The following TPR variants were observed in gnomAD, a reference collection of about 807,000 sequenced individuals.
The protein encoded by TPR is nucleoprotein TPR.
A neutral mutation model predicts 316.1 loss-of-function variants in TPR; 51 were observed. The ratio of observed to expected loss-of-function variants is 0.16; its 90% CI spans 0.13 to 0.20. TPR has a LOEUF of 0.20. Among genes scored for constraint, TPR ranks in the 10% least tolerant of loss-of-function variants. The probability of loss-of-function intolerance (pLI) is 1.00; values close to 1 mark genes in which losing one functional copy is unlikely to be tolerated. For missense variants in TPR, 2,272 were observed against 2,754.8 expected (o/e 0.82, Z 3.92); for synonymous variants, 981 against 914.7 (o/e 1.07, Z -1.31).
intron 39 of TPR, among the ~76,000 whole-genome samples, 163 bp from the exon 40 acceptor site, chr1:186,327,823 C>T (rs1050863531): frequency 6.6e-6 from 1 of 151,782 alleles, no homozygotes; most frequent in African/African-American, 2.4e-5. Context: ...CTCTTGTCAC[C>T]CTGGCTGGAG....
At chr1:186,356,171 A>G in intron 15 of TPR, 115 bp downstream of exon 15, 2 of 869,390 alleles carry the variant, frequency 2.3e-6, no homozygotes, top group Non-Finnish European at 3.4e-6. Flanking sequence ...GCAATTATAT[A>G]TGGTAGTCAA....
intron 33 of TPR, among the ~76,000 whole-genome samples, chr1:186,335,972 C>CA (rs1658328280): frequency 1.3e-5 from 2 of 152,068 alleles, no homozygotes; most frequent in Admixed American, 6.6e-5. Context: ...ATGCCTGTAA[C>CA]AAAATCCAAC....
rs767609133 is a variant in TPR at position 186,375,216 on chromosome 1, G to A, written c.-188C>T. ...GAAATCGAGTCCACCCTCAGCGGCA[G>A]CGTTTCAGCAACAGCACCTCACCGC... On this transcript the variant is annotated 5_prime_UTR_variant, in exon 1 of 51. Transcript: ENST00000367478. The A allele has an allele frequency of 6.0e-6, 9 of 1,490,594 alleles. No individual in the cohort carries two copies. In the African/African-American group the frequency reaches 1.3e-4, roughly 21 times the overall value. 92.3% of individuals were successfully genotyped at this position (1,490,594 alleles called of 1,614,324 possible). A position where few individuals can be genotyped will look rare whatever the true frequency, so the allele number is the denominator to read the frequency against.
At chr1:186,341,470 C>A in intron 27 of TPR, 81 bp from the exon 28 acceptor site, 1 of 1,387,214 alleles carries the variant, frequency 7.2e-7, no homozygotes, top group African/African-American at 1.5e-5. Context: ...CAAATCCTCC[C>A]TATGACAAAA....
intron 30 of TPR, 148 bp downstream of exon 30, chr1:186,339,494 C>T: frequency 2.1e-6 from 1 of 477,630 alleles, no homozygotes; most frequent in East Asian, 3.6e-5. Flanking sequence ...CACTGCTTGA[C>T]TCTACAAAGT....
At chr1:186,314,559 AT>A in intron 50 of TPR, 69 bp downstream of exon 50, 1 of 1,220,328 alleles carries the variant, frequency 8.2e-7, no homozygotes, top group Non-Finnish European at 1.2e-6. Context: ...AGGCTTAAGG[AT>A]TAGAAAACTT....
At chr1:186,369,564 T>C (rs1011982623) in intron 3 of TPR, among the ~76,000 whole-genome samples, 29 of 152,288 alleles carry the variant, frequency 1.9e-4, no homozygotes, top group African/African-American at 6.3e-4. Context: ...TGTATAGAAA[T>C]GCTACTAGAT....
rs1657252124 is a variant in TPR, at chr1:186,311,688, C to G, written c.*2283G>C. ...TATTGACTTTACTGTCAAAAGATAT[C>G]TTTAATGGCTGAAATCAAATATTTT... On this transcript the variant is annotated 3_prime_UTR_variant, in exon 51 of 51. Transcript: ENST00000367478. 1.9e-5 allele frequency: 24 copies of G among 1,291,196 alleles called. No homozygotes were observed. Among genetic ancestry groups the G allele is most frequent in the South Asian group, 2.5e-5 (2 of 80,424 alleles). 80.0% of individuals were successfully genotyped at this position (1,291,196 alleles called of 1,614,324 possible).
Position 186,358,650 on chromosome 1 carries a change from C to G in TPR, c.1390G>C (p.Glu464Gln). ...LSVKLEQAMK[E>Q]IQRLQEDTDK... ...GTGTCCTCCTGCAATCGCTGAATCT[C>G]CTTTAAAATGTAAATTCAAGTGAAA... The change falls in exon 13 of 51, where the codon GAG becomes CAG. Residue 464 changes from glutamate (E) to glutamine (Q), a missense_variant and splice_region_variant. Coordinates refer to ENST00000367478, the MANE Select transcript of TPR (RefSeq NM_003292.3). 6.2e-7 allele frequency: 1 copy of G among 1,610,122 alleles called. No homozygotes were observed. The highest frequency in any genetic ancestry group is 8.5e-7 in the Non-Finnish European group (1 of 1,178,498).
chr1:186,353,304 G>C (rs922125596), intron 18 of TPR, among the ~76,000 whole-genome samples: 2 of 151,830 alleles, frequency 1.3e-5, no homozygotes, highest in Non-Finnish European at 2.9e-5. Flanking sequence ...CCCGGGAGGC[G>C]GAGCTTGCAG....
chr1:186,341,062 T>C lies in TPR; in HGVS notation c.3986A>G (p.Glu1329Gly). 1 of 1,614,096 alleles carries C rather than the reference T, an allele frequency of 6.2e-7. No individual in the cohort carries two copies. Among genetic ancestry groups the C allele is most frequent in the Non-Finnish European group, 8.5e-7 (1 of 1,180,010 alleles). The change falls in exon 29 of 51, where the codon GAA becomes GGA. Residue 1329 changes from glutamate (E) to glycine (G), a missense_variant. Coordinates refer to ENST00000367478, the MANE Select transcript of TPR (RefSeq NM_003292.3). ...TGCTTTCCAACGTTTGACATCCTCT[T>C]CTAAGAGCTTCTTCTCTGCCTGCAA... ...GMLQAEKKLL[E>G]EDVKRWKARN...
chr1:186,349,663 A>ATC (rs1460183846), intron 21 of TPR, among the ~76,000 whole-genome samples: 11 of 144,928 alleles, frequency 7.6e-5, no homozygotes, highest in Admixed American at 2.1e-4. Flanking sequence ...CTCTCTCAAA[A>ATC]AAAAAAAAAA....
At chr1:186,330,586 A>G (rs1011286645) in intron 39 of TPR, among the ~76,000 whole-genome samples, 3 of 152,112 alleles carry the variant, frequency 2.0e-5, no homozygotes, top group Non-Finnish European at 4.4e-5. Flanking sequence ...AAATATGTAT[A>G]GCGTTTCCCC....
chr1:186,356,981 T>C (rs1198637195), intron 14 of TPR, among the ~76,000 whole-genome samples: 1 of 152,232 alleles, frequency 6.6e-6, no homozygotes, highest in Non-Finnish European at 1.5e-5. Context: ...TTTTGTTTGG[T>C]ATTGTTGCTC....
At chr1:186,360,216 G>A in intron 11 of TPR, 57 bp downstream of exon 11, 2 of 1,554,950 alleles carry the variant, frequency 1.3e-6, no homozygotes, top group Non-Finnish European at 1.8e-6. Context: ...ATTTTGAAGA[G>A]ATTTGTATAC....
intron 18 of TPR, among the ~76,000 whole-genome samples, chr1:186,352,607 T>C (rs543304895): frequency 6.6e-6 from 1 of 152,324 alleles, no homozygotes; most frequent in South Asian, 2.1e-4. Context: ...TACTCATATT[T>C]ACACACAAGT....
At chr1:186,368,056 T>C in intron 3 of TPR, 74 bp from the exon 4 acceptor site, 1 of 1,038,030 alleles carries the variant, frequency 9.6e-7, no homozygotes, top group Non-Finnish European at 1.4e-6. Flanking sequence ...AATTGTCACT[T>C]TAGTTAACAT....
intron 49 of TPR, among the ~76,000 whole-genome samples, chr1:186,316,494 A>G (rs1657617116): frequency 6.6e-6 from 1 of 152,198 alleles, no homozygotes; most frequent in Non-Finnish European, 1.5e-5. Context: ...ATAAAATCTG[A>G]AGGTTCCATG....
rs750998415 is a variant in TPR at position 186,339,739 on chromosome 1, C to T, written c.4054G>A (p.Glu1352Lys). ...LVSQQKDPDTEEYRKLLSEKE... is the reference protein window; with the variant it reads ...LVSQQKDPDTKEYRKLLSEKE... ...TCAGAAAGGAGCTTCCGATATTCTT[C>T]TGTATCTGGATCTTTCTGTTGACTT... The change falls in exon 30 of 51, where the codon GAA becomes AAA. Residue 1352 changes from glutamate to lysine, a missense_variant. Glu to Lys is a moderately conservative substitution (Grantham distance 56). Transcript: ENST00000367478. 1 of 1,604,956 alleles carries T rather than the reference C, an allele frequency of 6.2e-7. No individual in the cohort carries two copies. The highest frequency in any genetic ancestry group is 1.1e-5 in the South Asian group (1 of 89,422).
Sources: allele counts gnomAD v4.1 joint callset (sites outside exome capture counted in the v4.1 genomes callset), GRCh38; gene constraint gnomAD v4.1.1; transcripts MANE v1.5; gene names NCBI Gene and HGNC (gene_info 2026-07-23, HGNC 2026-07-21).